TMTC1: variants seen among roughly 807,000 people sequenced by gnomAD.
The protein encoded by TMTC1 is protein O-mannosyl-transferase TMTC1.
TMTC1 carries 73 observed loss-of-function variants against 104.8 expected under a neutral mutation model. The observed-to-expected ratio is 0.70, with a 90% CI of 0.58 to 0.85. The LOEUF is 0.85. TMTC1 is among the 40% of genes least tolerant of loss of function. The probability of loss-of-function intolerance (pLI) is 0.00; values close to 1 mark genes in which losing one functional copy is unlikely to be tolerated. For missense variants in TMTC1, 1,035 were observed against 1,096.1 expected (o/e 0.94, Z 0.79); for synonymous variants, 434 against 428.7 (o/e 1.01, Z -0.15).
intron 9 of TMTC1, 45 bp from the exon 10 acceptor site, chr12:29,557,045 A>C (rs1290629627): frequency 6.2e-7 from 1 of 1,603,836 alleles, no homozygotes; most frequent in Non-Finnish European, 8.5e-7. Flanking sequence ...AAAAACTTCT[A>C]AGTTGGGCAC....
At chr12:29,614,737 C>T (rs1221658468) in intron 6 of TMTC1, among the ~76,000 whole-genome samples, 1 of 152,120 alleles carries the variant, frequency 6.6e-6, no homozygotes, top group Non-Finnish European at 1.5e-5. Context: ...GCTTGACATA[C>T]AGATAAAAGT....
chr12:29,674,617 A>G (rs1216198424), intron 5 of TMTC1, among the ~76,000 whole-genome samples: 1 of 152,198 alleles, frequency 6.6e-6, no homozygotes, highest in Non-Finnish European at 1.5e-5. Flanking sequence ...TCAGCTGTAA[A>G]GGTTGTCCAT....
chr12:29,701,193 A>G (rs1941583331), intron 5 of TMTC1, among the ~76,000 whole-genome samples: 1 of 152,164 alleles, frequency 6.6e-6, no homozygotes, highest in Non-Finnish European at 1.5e-5. Context: ...AAGATTGAGT[A>G]GAGCTCCATG....
chr12:29,745,692 G>T (rs1392738218), intron 5 of TMTC1, among the ~76,000 whole-genome samples: 1 of 151,394 alleles, frequency 6.6e-6, no homozygotes, highest in East Asian at 1.9e-4. Flanking sequence ...ATAAAGATTA[G>T]GAAAGATATA....
At chr12:29,672,685 TAAC>T (rs1280791792) in intron 5 of TMTC1, among the ~76,000 whole-genome samples, 3 of 152,136 alleles carry the variant, frequency 2.0e-5, no homozygotes. Context: ...GCAACTCTAA[TAAC>T]AACGACAATA....
At chr12:29,563,409 G>C (rs1945428339) in intron 9 of TMTC1, among the ~76,000 whole-genome samples, 1 of 152,156 alleles carries the variant, frequency 6.6e-6, no homozygotes, top group Non-Finnish European at 1.5e-5. Flanking sequence ...TCTCAGAGAA[G>C]AGACAATGGT....
intron 5 of TMTC1, among the ~76,000 whole-genome samples, chr12:29,741,545 C>T (rs956484212): frequency 2.6e-5 from 4 of 152,146 alleles, no homozygotes; most frequent in Non-Finnish European, 5.9e-5. Context: ...CAAGGGACAT[C>T]GCAAATCAGA....
At chr12:29,574,738 G>A (rs1190257457) in intron 8 of TMTC1, among the ~76,000 whole-genome samples, 1 of 152,158 alleles carries the variant, frequency 6.6e-6, no homozygotes, top group Non-Finnish European at 1.5e-5. Context: ...CTGGATTAGG[G>A]CCTCACCCTT....
intron 5 of TMTC1, among the ~76,000 whole-genome samples, chr12:29,672,684 A>G (rs11050361): frequency 0.21 from 32,521 of 152,058 alleles, 3,821 homozygotes; most frequent in East Asian, 0.29. Flanking sequence ...AGCAACTCTA[A>G]TAACAACGAC....
chr12:29,616,748 C>T (rs1946991231), intron 6 of TMTC1, among the ~76,000 whole-genome samples: 1 of 150,478 alleles, frequency 6.6e-6, no homozygotes, highest in South Asian at 2.1e-4. Context: ...CCATTTTCTA[C>T]ACTAAAAATC....
intron 5 of TMTC1, among the ~76,000 whole-genome samples, chr12:29,703,576 T>C (rs1194274659): frequency 1.3e-5 from 2 of 152,222 alleles, no homozygotes; most frequent in African/African-American, 4.8e-5. Context: ...GATTAAATTA[T>C]GCTTAATGCC....
intron 1 of TMTC1, among the ~76,000 whole-genome samples, chr12:29,768,882 T>G (rs780226974): frequency 1.3e-5 from 2 of 152,196 alleles, no homozygotes; most frequent in Non-Finnish European, 2.9e-5. Flanking sequence ...GAAGGTTGCC[T>G]TAAATTTAAT....
intron 11 of TMTC1, among the ~76,000 whole-genome samples, chr12:29,529,390 A>G (rs1186081949): frequency 6.6e-6 from 1 of 152,210 alleles, no homozygotes; most frequent in African/African-American, 2.4e-5. Flanking sequence ...CGGGGTCACT[A>G]TGTGTCTGAG....
chr12:29,773,347 C>A (rs905639491), intron 1 of TMTC1, among the ~76,000 whole-genome samples: 7 of 152,294 alleles, frequency 4.6e-5, no homozygotes, highest in African/African-American at 1.7e-4. Context: ...TCCTCACTCC[C>A]ACAGCCTGGA....
chr12:29,680,884 G>C (rs1940891818), intron 5 of TMTC1, among the ~76,000 whole-genome samples: 1 of 152,042 alleles, frequency 6.6e-6, no homozygotes, highest in South Asian at 2.1e-4. Context: ...GATCACTTGA[G>C]GCCAGGAGTT....
At chr12:29,772,877 C>A (rs1943625941) in intron 1 of TMTC1, among the ~76,000 whole-genome samples, 2 of 152,048 alleles carry the variant, frequency 1.3e-5, no homozygotes, top group African/African-American at 4.8e-5. Context: ...AAACTAATTT[C>A]TTTTTGTCAT....
At chr12:29,757,407 A>G (rs1187699209) in intron 3 of TMTC1, among the ~76,000 whole-genome samples, 2 of 152,210 alleles carry the variant, frequency 1.3e-5, no homozygotes, top group Non-Finnish European at 2.9e-5. Flanking sequence ...TGTGACAACC[A>G]AAAACGTATG....
intron 5 of TMTC1, among the ~76,000 whole-genome samples, chr12:29,725,011 G>GTTTTTTT (rs879602127): frequency 0.021 from 2,465 of 114,976 alleles, 372 homozygotes; most frequent in Middle Eastern, 0.031. Flanking sequence ...TATCTGCCAA[G>GTTTTTTT]TTCTTTTTTT....
chr12:29,652,770 T>A (rs988915368), intron 5 of TMTC1, among the ~76,000 whole-genome samples: 1 of 152,216 alleles, frequency 6.6e-6, no homozygotes, highest in Non-Finnish European at 1.5e-5. Flanking sequence ...TGAGATGGAA[T>A]AAATATCTTC....
Sources: allele counts gnomAD v4.1 joint callset (sites outside exome capture counted in the v4.1 genomes callset), GRCh38; gene constraint gnomAD v4.1.1; transcripts MANE v1.5; gene names NCBI Gene and HGNC (gene_info 2026-07-23, HGNC 2026-07-21).